The following MGST1 variants were observed in gnomAD, a reference collection of about 807,000 sequenced individuals.
MGST1 encodes the protein microsomal glutathione S-transferase 1.
Under a neutral mutation model 8.9 loss-of-function variants are expected in MGST1, and 5 were observed. The observed-to-expected ratio is 0.56, with a 90% confidence interval of 0.29 to 1.19. The LOEUF is 1.19. MGST1 is among the 50% of genes most tolerant of loss of function. The pLI, the probability that MGST1 is intolerant of heterozygous loss-of-function variation, is 0.08. For synonymous variants in MGST1, 54 were observed against 67.8 expected, an observed-to-expected ratio of 0.80 and a Z score of 1.00; for missense variants, 182 against 187.4, an observed-to-expected ratio of 0.97 and a Z score of 0.17.
chr12:16,415,476 C>T (rs1327011191), intron 1 of MGST1, among the ~76,000 whole-genome samples: 1 of 152,318 alleles, frequency 6.6e-6, no homozygotes, highest in Non-Finnish European at 1.5e-5. Context: ...ACCAACTCCT[C>T]TACTTCCTCC....
intron 1 of MGST1, among the ~76,000 whole-genome samples, chr12:16,403,415 A>G (rs1246877468): frequency 2.0e-5 from 3 of 152,198 alleles, no homozygotes; most frequent in East Asian, 3.9e-4. Context: ...TTTACTGACC[A>G]TTGTATAGTC....
downstream of MGST1, among the ~76,000 whole-genome samples, chr12:16,590,248 G>A (rs956590572): frequency 1.3e-5 from 2 of 152,078 alleles, no homozygotes; most frequent in Non-Finnish European, 2.9e-5. Context: ...ACATTAGTGA[G>A]CTAGGATTAA....
chr12:16,368,657 ATC>A (rs1021133418), downstream of MGST1, among the ~76,000 whole-genome samples: 2 of 152,212 alleles, frequency 1.3e-5, no homozygotes, highest in Non-Finnish European at 2.9e-5. Context: ...TTTGGCACCA[ATC>A]TCTCATACTT....
chr12:16,523,054 G>GC (rs1941658933), intron 4 of MGST1, among the ~76,000 whole-genome samples: 3 of 151,378 alleles, frequency 2.0e-5, no homozygotes, highest in Admixed American at 2.0e-4. Context: ...TGACATATTT[G>GC]CAAATAGACC....
chr12:16,455,692 A>T (rs942178545), intron 4 of MGST1, among the ~76,000 whole-genome samples: 6 of 151,838 alleles, frequency 4.0e-5, no homozygotes, highest in African/African-American at 1.2e-4. Context: ...ATACTTCATC[A>T]TCTATTGCTA....
intron 4 of MGST1, among the ~76,000 whole-genome samples, chr12:16,574,756 T>A (rs747684655): frequency 6.6e-6 from 1 of 152,180 alleles, no homozygotes; most frequent in Non-Finnish European, 1.5e-5. Flanking sequence ...CTTCTATAAA[T>A]CTGTAATAGA....
intron 4 of MGST1, among the ~76,000 whole-genome samples, chr12:16,480,143 T>C (rs1941354816): frequency 8.6e-6 from 1 of 116,766 alleles, no homozygotes; most frequent in African/African-American, 3.4e-5. Context: ...AAAAATTTGC[T>C]TTTTTTTTTT....
chr12:16,377,244 C>G (rs997151493), downstream of MGST1: 28 of 151,302 alleles, frequency 1.9e-4, no homozygotes, highest in African/African-American at 6.8e-4. Context: ...GTGCTGCACC[C>G]ATTAACTCGT....
At chr12:16,516,633 G>A (rs1277467151) in intron 4 of MGST1, among the ~76,000 whole-genome samples, 1 of 152,166 alleles carries the variant, frequency 6.6e-6, no homozygotes, top group African/African-American at 2.4e-5. Flanking sequence ...CTTGAGGTCA[G>A]AATATATCTA....
intron 4 of MGST1, among the ~76,000 whole-genome samples, chr12:16,496,903 A>G (rs1318474479): frequency 1.3e-5 from 2 of 152,190 alleles, no homozygotes; most frequent in Admixed American, 1.3e-4. Context: ...GACACAAACA[A>G]GAAGTCCTAT....
intron 4 of MGST1, among the ~76,000 whole-genome samples, chr12:16,530,619 A>G (rs1480683997): frequency 6.6e-6 from 1 of 152,136 alleles, no homozygotes; most frequent in Non-Finnish European, 1.5e-5. Context: ...CATGGTAAAC[A>G]TGTCTGCCTA....
chr12:16,443,071 A>G (rs1275995244), downstream of MGST1, among the ~76,000 whole-genome samples: 2 of 151,750 alleles, frequency 1.3e-5, no homozygotes, highest in African/African-American at 4.8e-5. Flanking sequence ...GTTTAGGGTT[A>G]TATATATTCT....
chr12:16,514,191 T>C (rs1941595751), intron 4 of MGST1: 1 of 317,276 alleles, frequency 3.2e-6, no homozygotes, highest in Non-Finnish European at 6.2e-6. Context: ...TTATACGCCA[T>C]TGTCGCTGCC....
chr12:16,449,166 G>T (rs1464975054), intron 4 of MGST1, among the ~76,000 whole-genome samples: 1 of 151,938 alleles, frequency 6.6e-6, no homozygotes, highest in African/African-American at 2.4e-5. Context: ...CCACAGTTCT[G>T]CAGGCTGTAC....
At chr12:16,556,474 T>G (rs771150158) in intron 4 of MGST1, among the ~76,000 whole-genome samples, 3 of 152,190 alleles carry the variant, frequency 2.0e-5, no homozygotes, top group Non-Finnish European at 4.4e-5. Flanking sequence ...TTTTAAAACA[T>G]TCAGAAATGC....
At position 16,577,564 on chromosome 12, in the gene MGST1, TAAAAC is replaced by T. The variant is rs534493910; in HGVS notation, n.483-11960_483-11956del. Among the ~76,000 whole-genome samples the T allele has an allele frequency of 7.9e-4, 120 of 152,264 alleles. No individual in the cohort carries two copies. In the South Asian group the frequency reaches 0.023, roughly 29 times the overall value. On this transcript the variant is annotated intron_variant and non_coding_transcript_variant, in intron 4 of 4. Transcript: ENST00000538857. Reference sequence around the variant, plus strand: ...ATTTTCTACTAGATGTTGTATATAATAAAACAAATAAGAATTTCCCCTGTTCACAA... The same window carrying T: ...ATTTTCTACTAGATGTTGTATATAATAAATAAGAATTTCCCCTGTTCACAA...
At chr12:16,369,182 G>A (rs1202503178), downstream of MGST1, among the ~76,000 whole-genome samples, 1 of 152,226 alleles carries the variant, frequency 6.6e-6, no homozygotes, top group Middle Eastern at 3.4e-3. The surrounding 1 kb of genome is among the most constrained non-coding windows in gnomAD (Gnocchi z 4.8). Context: ...CTTGAGTCTC[G>A]AGGCTTTCTG....
At position 16,536,290 on chromosome 12, in the gene MGST1, T is replaced by C. The variant is rs368271588; in HGVS notation, n.483-53238T>C. The stretch of plus-strand genomic sequence containing the variant: ...CAATAAGTAATCTGTAACACTGATA[T>C]ATTACCATCTGTCATTGTATTTCAT... On this transcript the variant is annotated intron_variant and non_coding_transcript_variant, in intron 4 of 4. Coordinates refer to the MGST1 transcript ENST00000538857. 3.3e-5 allele frequency among the ~76,000 whole-genome samples: 5 copies of C among 152,190 alleles called. No homozygotes were observed. The East Asian group carries it at 7.7e-4, about 23-fold the overall frequency.
At chr12:16,502,365 C>T (rs1941510164) in intron 4 of MGST1, among the ~76,000 whole-genome samples, 1 of 152,122 alleles carries the variant, frequency 6.6e-6, no homozygotes, top group African/African-American at 2.4e-5. Context: ...TAAATAGGTG[C>T]AATTGTGTGG....
Sources: allele counts gnomAD v4.1 joint callset (sites outside exome capture counted in the v4.1 genomes callset), GRCh38; gene constraint gnomAD v4.1.1; non-coding constraint Gnocchi (gnomAD v3.1); transcripts MANE v1.5; gene names NCBI Gene and HGNC (gene_info 2026-07-23, HGNC 2026-07-21).